Variants in UBE2W observed in about 807,000 individuals in gnomAD.
UBE2W encodes ubiquitin conjugating enzyme E2 W.
In UBE2W, 18 loss-of-function variants were observed where a neutral mutation model predicts 27.2. The ratio of observed to expected loss-of-function variants is 0.66; its 90% CI spans 0.46 to 0.98. The LOEUF (loss-of-function observed/expected upper bound fraction) is 0.98, where lower values mean the gene tolerates loss of function less well. UBE2W is among the 50% of genes least tolerant of loss of function. The probability of loss-of-function intolerance (pLI) is 0.00; values close to 1 mark genes in which losing one functional copy is unlikely to be tolerated. For synonymous variants in UBE2W, 53 were observed against 57.2 expected (o/e 0.93, Z 0.33); for missense variants, 90 against 180.2 (o/e 0.50, Z 2.87).
Position 73,791,376 on chromosome 8 carries a change from A to AAAATAAAT in UBE2W, c.*2718_*2725dup, listed in dbSNP as rs569237925. The AAAATAAAT allele has an allele frequency of 1.8e-5, 18 of 983,892 alleles. No individual in the cohort carries two copies. Among genetic ancestry groups the AAAATAAAT allele is most frequent in the Non-Finnish European group, 2.2e-5 (18 of 828,694 alleles). 60.9% of individuals were successfully genotyped at this position (983,892 alleles called of 1,614,324 possible). ...TTTGGCAAACCAGAAGAATGGCCTA[A>AAAATAAAT]AAATAAATAAATAAATAAATAAAAG... On this transcript the variant is annotated 3_prime_UTR_variant, in exon 6 of 6. Coordinates refer to ENST00000602593, the MANE Select transcript of UBE2W (RefSeq NM_018299.6).
intron 1 of UBE2W, among the ~76,000 whole-genome samples, chr8:73,846,961 T>A (rs1469944015): frequency 1.3e-5 from 2 of 152,088 alleles, no homozygotes; most frequent in Non-Finnish European, 2.9e-5. Flanking sequence ...TCACGAAGTC[T>A]CAGGAGATTG....
At position 73,794,051 on chromosome 8, in the gene UBE2W, C is replaced by T. The variant is rs1808310353; in HGVS notation, c.*51G>A. On this transcript the variant is annotated 3_prime_UTR_variant, in exon 6 of 6. Transcript: ENST00000602593. ...GTTCAAAGACTGAATGATCAAAGTGCTCATTTTCTCAGTAGGACTATCTTC... is the reference window on the plus strand; with the variant it reads ...GTTCAAAGACTGAATGATCAAAGTGTTCATTTTCTCAGTAGGACTATCTTC... 3.7e-6 allele frequency: 6 copies of T among 1,611,236 alleles called. No homozygotes were observed. The highest frequency in any genetic ancestry group is 2.2e-5 in the East Asian group (1 of 44,824).
chr8:73,808,398 C>G (rs562294016), intron 4 of UBE2W, among the ~76,000 whole-genome samples: 1 of 152,146 alleles, frequency 6.6e-6, no homozygotes, highest in Non-Finnish European at 1.5e-5. Flanking sequence ...CCACGCCCAG[C>G]TAATTTTTCT....
chr8:73,812,347 T>C (rs745337633), intron 3 of UBE2W, among the ~76,000 whole-genome samples: 12 of 152,186 alleles, frequency 7.9e-5, no homozygotes, highest in Non-Finnish European at 1.6e-4. Context: ...CTACGCTCTA[T>C]GCATGACATT....
chr8:73,781,167 G>A (rs1052805997), intron 4 of UBE2W, among the ~76,000 whole-genome samples: 1 of 151,628 alleles, frequency 6.6e-6, no homozygotes, highest in Non-Finnish European at 1.5e-5. Flanking sequence ...CTACTTAGGA[G>A]GCTGAGGCAG....
intron 2 of UBE2W, among the ~76,000 whole-genome samples, chr8:73,827,965 T>C (rs1809919792): frequency 6.6e-6 from 1 of 152,232 alleles, no homozygotes; most frequent in Non-Finnish European, 1.5e-5. Flanking sequence ...TATTTCATTC[T>C]AGTCATTTTG....
At chr8:73,830,770 G>A (rs913409542) in intron 1 of UBE2W, among the ~76,000 whole-genome samples, 48 of 152,058 alleles carry the variant, frequency 3.2e-4, no homozygotes, top group African/African-American at 1.1e-3. Context: ...ACAAGTGTGA[G>A]CTACCACACT....
At chr8:73,846,505 G>GT (rs1262008441) in intron 1 of UBE2W, among the ~76,000 whole-genome samples, 1 of 152,156 alleles carries the variant, frequency 6.6e-6, no homozygotes, top group African/African-American at 2.4e-5. Flanking sequence ...AAACACATTA[G>GT]TAATCAGCAC....
intron 1 of UBE2W, among the ~76,000 whole-genome samples, chr8:73,843,605 AGCC>A (rs1810637595): frequency 6.6e-6 from 1 of 152,170 alleles, no homozygotes; most frequent in Admixed American, 6.5e-5. Flanking sequence ...ACTGCACTCC[AGCC>A]TGAGTGACAG....
intron 1 of UBE2W, among the ~76,000 whole-genome samples, chr8:73,847,529 A>G (rs993028206): frequency 6.6e-6 from 1 of 152,164 alleles, no homozygotes; most frequent in Non-Finnish European, 1.5e-5. Flanking sequence ...CACAGGTACA[A>G]GGAGGATGTT....
At chr8:73,859,440 A>T (rs1415964107) in intron 1 of UBE2W, among the ~76,000 whole-genome samples, 1 of 152,212 alleles carries the variant, frequency 6.6e-6, no homozygotes, top group Non-Finnish European at 1.5e-5. Context: ...CAGGAGGTGG[A>T]GGCTGCAGTG....
chr8:73,809,118 T>C (rs1262598576), intron 4 of UBE2W, among the ~76,000 whole-genome samples: 2 of 152,158 alleles, frequency 1.3e-5, no homozygotes, highest in Admixed American at 6.5e-5. Flanking sequence ...CATAAAAGTT[T>C]AAAACGTGTG....
Position 73,793,932 on chromosome 8 carries a change from G to A in UBE2W, c.*170C>T. 4 of 1,445,842 alleles carry A rather than the reference G, an allele frequency of 2.8e-6. No homozygotes were observed. Among genetic ancestry groups the A allele is most frequent in the Non-Finnish European group, 9.1e-7 (1 of 1,097,504 alleles). 89.6% of individuals were successfully genotyped at this position (1,445,842 alleles called of 1,614,324 possible). ...CATGTCAGTTGCCTGGACTGAACCA[G>A]CGATCAACATGCGCCCAGAATGCAC... is the stretch of plus-strand genomic sequence containing the variant. On this transcript the variant is annotated 3_prime_UTR_variant, in exon 6 of 6. Transcript: ENST00000602593.
intron 1 of UBE2W, among the ~76,000 whole-genome samples, chr8:73,874,944 G>A (rs2131001436): frequency 6.6e-6 from 1 of 152,194 alleles, no homozygotes; most frequent in South Asian, 2.1e-4. Context: ...GGCTGAGATG[G>A]AAAAGATCAC....
chr8:73,839,564 G>GGA (rs1306953181), intron 1 of UBE2W, among the ~76,000 whole-genome samples: 2 of 151,438 alleles, frequency 1.3e-5, no homozygotes, highest in African/African-American at 4.9e-5. Flanking sequence ...GGCTGAGGCA[G>GGA]GAGAATCTCT....
chr8:73,821,044 A>G (rs1187654423), intron 3 of UBE2W, among the ~76,000 whole-genome samples: 1 of 152,238 alleles, frequency 6.6e-6, no homozygotes, highest in Non-Finnish European at 1.5e-5. Flanking sequence ...GGTACCATTC[A>G]TTCCACATAT....
intron 2 of UBE2W, among the ~76,000 whole-genome samples, chr8:73,829,884 T>C (rs1002776135): frequency 1.3e-5 from 2 of 152,210 alleles, no homozygotes; most frequent in African/African-American, 2.4e-5. Flanking sequence ...GATTTCTCCA[T>C]GATTTCAGAA....
At chr8:73,803,915 T>C (rs573723780) in intron 5 of UBE2W, among the ~76,000 whole-genome samples, 26 of 151,990 alleles carry the variant, frequency 1.7e-4, no homozygotes, top group Non-Finnish European at 3.5e-4. Context: ...TACAGGCGCC[T>C]GCCACCACGC....
Position 73,789,882 on chromosome 8 carries a change from T to G in UBE2W, c.*4220A>C, listed in dbSNP as rs549227376. ...ATAATAAAAATAATCATTCCACATC[T>G]CAAAATGACTTAGAAATTTAAATGG... On this transcript the variant is annotated 3_prime_UTR_variant, in exon 6 of 6. Coordinates refer to ENST00000602593, the MANE Select transcript of UBE2W (RefSeq NM_018299.6). The G allele has an allele frequency of 3.1e-6, 3 of 953,802 alleles. No homozygotes were observed. The African/African-American group carries it at 5.3e-5, about 17-fold the overall frequency. 59.1% of individuals were successfully genotyped at this position (953,802 alleles called of 1,614,324 possible). A position where few individuals can be genotyped will look rare whatever the true frequency, so the allele number is the denominator to read the frequency against.
Sources: gnomAD v4.1 joint callset for allele counts (sites outside exome capture counted in the v4.1 genomes callset) on GRCh38, gnomAD v4.1.1 for gene constraint, MANE v1.5 for transcripts, NCBI Gene and HGNC (gene_info 2026-07-23, HGNC 2026-07-21) for gene names.